Variants in CAB39 observed in about 807,000 individuals in gnomAD.
CAB39 encodes calcium-binding protein 39.
In CAB39, 8 loss-of-function variants were observed where a neutral mutation model predicts 40.0. That is an observed-to-expected ratio of 0.20 (90% confidence interval 0.12 to 0.36). The LOEUF (loss-of-function observed/expected upper bound fraction) is 0.36. Among genes scored for constraint, CAB39 ranks in the 10% least tolerant of loss-of-function variants. The pLI is 1.00. For missense variants in CAB39, 270 were observed against 401.1 expected, an observed-to-expected ratio of 0.67 and a Z score of 2.79; for synonymous variants, 156 against 141.6, an observed-to-expected ratio of 1.10 and a Z score of -0.72.
intron 1 of CAB39, among the ~76,000 whole-genome samples, chr2:230,754,747 G>T (rs1209282687): frequency 6.6e-6 from 1 of 152,174 alleles, no homozygotes. Context: ...TCAAACTCCT[G>T]ATCTCAGGTG....
At chr2:230,737,875 A>G (rs1358160334) in intron 1 of CAB39, among the ~76,000 whole-genome samples, 1 of 152,216 alleles carries the variant, frequency 6.6e-6, no homozygotes, top group Non-Finnish European at 1.5e-5. Context: ...CTTACCTGGA[A>G]AGCACCACTC....
intron 5 of CAB39, among the ~76,000 whole-genome samples, chr2:230,803,723 C>A (rs935196857): frequency 1.3e-5 from 2 of 152,190 alleles, no homozygotes; most frequent in Non-Finnish European, 2.9e-5. Context: ...TCAAGGAGAA[C>A]TACAAACCAC....
chr2:230,730,445 CT>C (rs11344642), intron 1 of CAB39, among the ~76,000 whole-genome samples: 92,871 of 127,912 alleles, frequency 0.73, 32,924 homozygotes, highest in African/African-American at 0.84. Context: ...GAAAACTTTT[CT>C]TTTTTTTTTT....
At chr2:230,714,479 T>C (rs1301664315) in intron 1 of CAB39, among the ~76,000 whole-genome samples, 3 of 152,248 alleles carry the variant, frequency 2.0e-5, no homozygotes, top group African/African-American at 4.8e-5. Flanking sequence ...AAGGTGTCTA[T>C]AAAATAAGCT....
intron 1 of CAB39, among the ~76,000 whole-genome samples, chr2:230,724,223 G>A (rs533894015): frequency 1.3e-5 from 2 of 150,598 alleles, no homozygotes; most frequent in South Asian, 4.2e-4. Context: ...CTCCAGCCTG[G>A]GTGACAGACC....
In CAB39 at chr2:230,763,782, A is replaced by G. The variant is rs548151687; in HGVS notation, c.114+3667A>G. ...TTTTATACTCTGTACTTTGAACGAA[A>G]CTTTTACCAGTACATGATTTTATAA... is the stretch of plus-strand genomic sequence containing the variant. On this transcript the variant is annotated intron_variant, in intron 2 of 8. Transcript: ENST00000258418. 6.6e-5 allele frequency among the ~76,000 whole-genome samples: 10 copies of G among 152,234 alleles called. No individual in the cohort carries two copies. The East Asian group carries it at 7.7e-4, about 12-fold the overall frequency.
At chr2:230,740,509 G>T (rs556071253) in intron 1 of CAB39, among the ~76,000 whole-genome samples, 64 of 152,306 alleles carry the variant, frequency 4.2e-4, no homozygotes, top group Non-Finnish European at 7.8e-4. Context: ...AACCTTTTTG[G>T]CATGAGGGAC....
chr2:230,730,513 C>T (rs1038040599), intron 1 of CAB39, among the ~76,000 whole-genome samples: 5 of 150,200 alleles, frequency 3.3e-5, no homozygotes, highest in East Asian at 2.0e-4. Context: ...GGTGCGACCT[C>T]GGCTCACTGC....
At chr2:230,761,888 T>TTG (rs1553671528) in intron 2 of CAB39, among the ~76,000 whole-genome samples, 79 of 149,842 alleles carry the variant, frequency 5.3e-4, no homozygotes, top group African/African-American at 1.7e-3. Flanking sequence ...TTGTTTTTTA[T>TTG]TTGTTGTTGT....
intron 1 of CAB39, among the ~76,000 whole-genome samples, chr2:230,745,041 T>C (rs1411842842): frequency 6.6e-6 from 1 of 152,220 alleles, no homozygotes; most frequent in East Asian, 1.9e-4. Flanking sequence ...AAAGAAAATT[T>C]TTAAGGATTA....
intron 2 of CAB39, among the ~76,000 whole-genome samples, chr2:230,765,411 A>G (rs1052032958): frequency 2.6e-5 from 4 of 152,284 alleles, no homozygotes; most frequent in Non-Finnish European, 5.9e-5. Context: ...TTATGAAAAC[A>G]GCCTTGACCT....
chr2:230,725,291 C>T, intron 1 of CAB39: 1 of 1,573,360 alleles, frequency 6.4e-7, no homozygotes, highest in Middle Eastern at 1.8e-4. Flanking sequence ...CTTGTCAAAG[C>T]CCCTTTCCTC....
intron 1 of CAB39, among the ~76,000 whole-genome samples, chr2:230,744,301 T>G (rs971562636): frequency 7.2e-5 from 11 of 151,996 alleles, no homozygotes; most frequent in African/African-American, 2.7e-4. Context: ...TACATATTTT[T>G]TCTTTTTTTG....
rs534493842 is a variant in CAB39, at chr2:230,748,554, C to T, written c.-43-11405C>T. Among the ~76,000 whole-genome samples the T allele has an allele frequency of 3.7e-3, 569 of 151,894 alleles. 3 individuals are homozygous for T. The highest frequency in any genetic ancestry group is 3.8e-3 in the Non-Finnish European group (261 of 67,952). On this transcript the variant is annotated intron_variant, in intron 1 of 8. Transcript: ENST00000258418. The stretch of plus-strand genomic sequence containing the variant: ...GGTGCGGTGGCTCATGCCTGTAATC[C>T]CAGCACTTTGGGAGACCAAGGCGGG...
At chr2:230,787,593 C>T (rs2124952922) in intron 2 of CAB39, among the ~76,000 whole-genome samples, 1 of 152,320 alleles carries the variant, frequency 6.6e-6, no homozygotes, top group Non-Finnish European at 1.5e-5. Flanking sequence ...ACATTTTGTT[C>T]ACTGTAAGCT....
chr2:230,741,890 G>A, intron 1 of CAB39, among the ~76,000 whole-genome samples: 1 of 152,114 alleles, frequency 6.6e-6, no homozygotes, highest in East Asian at 1.9e-4. Context: ...TCTTACAGTG[G>A]ATTTGTTGAT....
rs55790626 is a variant in CAB39 at position 230,819,215 on chromosome 2, A to C, written c.*511A>C. On this transcript the variant is annotated 3_prime_UTR_variant, in exon 9 of 9. Transcript: ENST00000258418. ...CAAAATGGGAGTTTGGGGGCAGCTA[A>C]AGTTGACATGCGAATAAATTGATAC... 0.055 allele frequency: 8,348 copies of C among 152,476 alleles called. 764 individuals carry two copies. The highest frequency in any genetic ancestry group is 0.19 in the African/African-American group (7,860 of 41,534). 9.4% of individuals were successfully genotyped at this position (152,476 alleles called of 1,614,324 possible). A position where few individuals can be genotyped will look rare whatever the true frequency, so the allele number is the denominator to read the frequency against.
chr2:230,813,909 A>G, intron 6 of CAB39, 140 bp from the exon 7 acceptor site: 1 of 540,946 alleles, frequency 1.8e-6, no homozygotes, highest in Non-Finnish European at 3.2e-6. Context: ...CAGGGGAGCC[A>G]GGGCAGCTGT....
chr2:230,760,181 G>A, intron 2 of CAB39, 66 bp downstream of exon 2: 2 of 931,042 alleles, frequency 2.1e-6, no homozygotes, highest in Non-Finnish European at 1.7e-6. Flanking sequence ...CCTTATATGA[G>A]GAATCAGTAA....
Sources: gnomAD v4.1 joint callset for allele counts (sites outside exome capture counted in the v4.1 genomes callset) on GRCh38, gnomAD v4.1.1 for gene constraint, MANE v1.5 for transcripts, NCBI Gene and HGNC (gene_info 2026-07-23, HGNC 2026-07-21) for gene names.